SGCD: variants seen among roughly 807,000 people sequenced by gnomAD.
The protein encoded by SGCD is delta-sarcoglycan.
In SGCD, 18 loss-of-function variants were observed where a neutral mutation model predicts 36.6. That is an observed-to-expected ratio of 0.49 (90% CI 0.34 to 0.73). The LOEUF (loss-of-function observed/expected upper bound fraction) is 0.73, where lower values mean the gene tolerates loss of function less well. SGCD is among the 30% of genes least tolerant of loss of function. The pLI is 0.01. For synonymous variants in SGCD, 133 were observed against 130.6 expected, an observed-to-expected ratio of 1.02 and a Z score of -0.12; for missense variants, 387 against 346.7, an observed-to-expected ratio of 1.12 and a Z score of -0.92.
intron 7 of SGCD, among the ~76,000 whole-genome samples, chr5:156,679,358 A>C: frequency 6.6e-6 from 1 of 152,236 alleles, no homozygotes; most frequent in Non-Finnish European, 1.5e-5. Flanking sequence ...ATCTGTCAGA[A>C]AATTGTCATA....
Position 156,764,363 on chromosome 5 carries a change from T to C in SGCD, c.*4973T>C, listed in dbSNP as rs539617689. The C allele has an allele frequency of 1.3e-5, 2 of 152,746 alleles. No homozygotes were observed. Among genetic ancestry groups the C allele is most frequent in the South Asian group, 4.1e-4 (2 of 4,820 alleles). 9.5% of individuals were successfully genotyped at this position (152,746 alleles called of 1,614,324 possible). A position where few individuals can be genotyped will look rare whatever the true frequency, so the allele number is the denominator to read the frequency against. ...TATACAGTTGCCTCTGAATTTCTCATGCACAAAGCCAAACCACTGATAAGA... is the reference window on the plus strand; with the variant it reads ...TATACAGTTGCCTCTGAATTTCTCACGCACAAAGCCAAACCACTGATAAGA... On this transcript the variant is annotated 3_prime_UTR_variant, in exon 9 of 9. Transcript: ENST00000337851.
intron 6 of SGCD, among the ~76,000 whole-genome samples, chr5:156,642,300 G>A (rs1763056156): frequency 1.3e-5 from 2 of 152,058 alleles, no homozygotes; most frequent in South Asian, 4.2e-4. Flanking sequence ...ATAACATGCA[G>A]CTACAGTGAT....
chr5:156,498,210 A>G (rs555899270), intron 3 of SGCD, among the ~76,000 whole-genome samples: 1 of 142,110 alleles, frequency 7.0e-6, no homozygotes, highest in East Asian at 2.0e-4. Context: ...ACGTCATAGC[A>G]TGTCTCTTGA....
intron 7 of SGCD, among the ~76,000 whole-genome samples, chr5:156,741,831 T>TGA (rs1581511631): frequency 6.6e-6 from 1 of 152,148 alleles, no homozygotes; most frequent in East Asian, 1.9e-4. Context: ...AAAGAGACAG[T>TGA]GAGACAGTGG....
chr5:156,520,078 CT>C (rs1379071966), intron 4 of SGCD, among the ~76,000 whole-genome samples: 2 of 152,158 alleles, frequency 1.3e-5, no homozygotes, highest in East Asian at 1.9e-4. Flanking sequence ...GTCAAACTAT[CT>C]TTGTTTGCAG....
rs1264581891 is a variant in SGCD, at chr5:156,761,084, G to T, written c.*1694G>T. ...TTGGATTTTTCTTTTCCCTCAACAA[G>T]GTTTTACTTTTTCTTACTTTACAAG... On this transcript the variant is annotated 3_prime_UTR_variant, in exon 9 of 9. Transcript: ENST00000337851. 6.6e-6 allele frequency: 1 copy of T among 152,120 alleles called. No individual in the cohort carries two copies. Among genetic ancestry groups the T allele is most frequent in the Non-Finnish European group, 1.5e-5 (1 of 68,020 alleles). 9.4% of individuals were successfully genotyped at this position (152,120 alleles called of 1,614,324 possible).
chr5:155,799,378 A>G, the SGCD span, among the ~76,000 whole-genome samples: 1 of 151,478 alleles, frequency 6.6e-6, no homozygotes, highest in Non-Finnish European at 1.5e-5. Context: ...GTTATGTCCC[A>G]CAAAGGACAA....
intron 3 of SGCD, among the ~76,000 whole-genome samples, chr5:156,249,078 T>C (rs988246155): frequency 6.6e-6 from 1 of 152,138 alleles, no homozygotes; most frequent in Non-Finnish European, 1.5e-5. Context: ...TTTGAATATA[T>C]AGATTTGGAG....
At chr5:156,008,496 C>G (rs780915920) in intron 1 of SGCD, among the ~76,000 whole-genome samples, 9 of 152,162 alleles carry the variant, frequency 5.9e-5, no homozygotes, top group Non-Finnish European at 1.0e-4. Flanking sequence ...CCTCCTTAGC[C>G]TATTGAGTTC....
chr5:156,576,591 T>G (rs1307086305), intron 4 of SGCD, among the ~76,000 whole-genome samples: 4 of 152,214 alleles, frequency 2.6e-5, no homozygotes, highest in African/African-American at 9.6e-5. Context: ...CACTTGTTGT[T>G]TCCCAATTTT....
chr5:156,082,054 C>A (rs2127591775), intron 1 of SGCD, among the ~76,000 whole-genome samples: 1 of 152,260 alleles, frequency 6.6e-6, no homozygotes. Flanking sequence ...TGATTTATGA[C>A]AAATGACTGT....
At chr5:155,904,042 C>T (rs527633132) in intron 1 of SGCD, among the ~76,000 whole-genome samples, 3 of 152,232 alleles carry the variant, frequency 2.0e-5, no homozygotes, top group East Asian at 1.9e-4. Flanking sequence ...CACTCTGCTG[C>T]GTGTGTGTGC....
rs954134448 is a variant in SGCD at position 156,100,541 on chromosome 5, T to C, written c.-281-17337T>C. Among the ~76,000 whole-genome samples, 5 of 152,310 alleles carry C rather than the reference T, an allele frequency of 3.3e-5. No homozygotes were observed. In the East Asian group the frequency reaches 9.7e-4, roughly 29 times the overall value. ...CTTATAGGAGCTCTTCCTTTCGTTA[T>C]AAGAAATCCAGAAATGATTATCATT... On this transcript the variant is annotated intron_variant, in intron 1 of 9. Coordinates refer to the SGCD transcript ENST00000517913.
intron 3 of SGCD, among the ~76,000 whole-genome samples, chr5:156,301,749 T>C (rs1201807771): frequency 6.6e-6 from 1 of 152,098 alleles, no homozygotes; most frequent in Non-Finnish European, 1.5e-5. Context: ...TTCTGTTTCA[T>C]GTTTGAAAGA....
chr5:156,011,600 G>A (rs959298094), intron 1 of SGCD, among the ~76,000 whole-genome samples: 4 of 151,960 alleles, frequency 2.6e-5, no homozygotes, highest in African/African-American at 9.6e-5. Flanking sequence ...CCACTGTGCC[G>A]GCCAATTTTT....
At chr5:156,371,883 A>G (rs530977864) in intron 3 of SGCD, among the ~76,000 whole-genome samples, 66 of 152,192 alleles carry the variant, frequency 4.3e-4, no homozygotes, top group African/African-American at 1.5e-3. Context: ...CATGTTGACT[A>G]CACTAACGTG....
intron 3 of SGCD, among the ~76,000 whole-genome samples, chr5:156,365,883 C>T (rs1424783753): frequency 6.8e-6 from 1 of 148,072 alleles, no homozygotes; most frequent in Non-Finnish European, 1.5e-5. Flanking sequence ...TTCATATATG[C>T]ATATACATGT....
the SGCD span, among the ~76,000 whole-genome samples, chr5:155,789,619 G>C: frequency 6.6e-6 from 1 of 152,042 alleles, no homozygotes; most frequent in Admixed American, 6.6e-5. Context: ...CCTGAAGATA[G>C]TTTGTTTTCT....
intron 3 of SGCD, among the ~76,000 whole-genome samples, chr5:156,319,428 T>A (rs555391574): frequency 2.6e-5 from 4 of 152,350 alleles, no homozygotes; most frequent in Non-Finnish European, 5.9e-5. Context: ...GTTTTTGGAC[T>A]CATATTTTAA....
Sources: gnomAD v4.1 joint callset for allele counts (sites outside exome capture counted in the v4.1 genomes callset) on GRCh38, gnomAD v4.1.1 for gene constraint, MANE v1.5 for transcripts, NCBI Gene and HGNC (gene_info 2026-07-23, HGNC 2026-07-21) for gene names.